The following EDEM1 variants were observed in gnomAD, a reference collection of about 807,000 sequenced individuals.
EDEM1 encodes the protein ER degradation enhancing alpha-mannosidase like protein 1.
A neutral mutation model predicts 74.4 loss-of-function variants in EDEM1; 67 were observed. The observed-to-expected ratio is 0.90, with a 90% CI of 0.74 to 1.10. EDEM1 has a LOEUF of 1.10. Ranked by LOEUF, EDEM1 falls within the 50% of genes least tolerant of loss-of-function variation. The pLI, the probability that EDEM1 is intolerant of heterozygous loss-of-function variation, is 0.00. For missense variants in EDEM1, 926 were observed against 851.6 expected, an observed-to-expected ratio of 1.09 and a Z score of -1.09; for synonymous variants, 382 against 335.9, an observed-to-expected ratio of 1.14 and a Z score of -1.50.
chr3:5,188,229 TACG>T lies in EDEM1; in HGVS notation c.427_429del (p.Asp143del), dbSNP rs780089586. ...GGCACGGGGCATGTTCGTCTTTGGC[TACG>T]ACAACTACATGGCTCACGCCTTCCC... On this transcript the variant is annotated inframe_deletion, in exon 1 of 12. Transcript: ENST00000256497. 1.9e-6 allele frequency: 3 copies of T among 1,584,748 alleles called. No homozygotes were observed. Among genetic ancestry groups the T allele is most frequent in the African/African-American group, 2.8e-5 (2 of 72,048 alleles).
At chr3:5,204,426 G>A (rs1002840909) in intron 5 of EDEM1, among the ~76,000 whole-genome samples, 2 of 150,382 alleles carry the variant, frequency 1.3e-5, no homozygotes, top group African/African-American at 2.5e-5. Flanking sequence ...CAGGCTGGAC[G>A]GCAGTGGCAC....
At position 5,188,317 on chromosome 3, in the gene EDEM1, G is replaced by A. The variant is rs752795934; in HGVS notation, c.509+3G>A. 8.8e-6 allele frequency: 13 copies of A among 1,481,584 alleles called. No individual in the cohort carries two copies. In the South Asian group the frequency reaches 1.5e-4, roughly 17 times the overall value. 91.8% of individuals were successfully genotyped at this position (1,481,584 alleles called of 1,614,324 possible). ...CGTGGGCCCGACCGCGGGGACCCGT[G>A]AGTAGCCCCCGCCGCCCGGGGCCGC... On this transcript the variant is annotated splice_donor_region_variant and intron_variant, in intron 1 of 11. Coordinates refer to ENST00000256497, the MANE Select transcript of EDEM1 (RefSeq NM_014674.3).
chr3:5,195,798 G>T (rs990312834), intron 2 of EDEM1, among the ~76,000 whole-genome samples: 14 of 152,220 alleles, frequency 9.2e-5, no homozygotes, highest in Non-Finnish European at 1.6e-4. Flanking sequence ...GCCAACGTGG[G>T]TGCTGGCATT....
At chr3:5,204,811 G>A (rs2055075713) in intron 5 of EDEM1, among the ~76,000 whole-genome samples, 1 of 152,180 alleles carries the variant, frequency 6.6e-6, no homozygotes, top group South Asian at 2.1e-4. Flanking sequence ...AAAGCAAAAT[G>A]AGAAACCTAT....
intron 1 of EDEM1, 115 bp downstream of exon 1, chr3:5,188,429 C>A: frequency 8.4e-7 from 1 of 1,185,400 alleles, no homozygotes; most frequent in Non-Finnish European, 1.1e-6. Context: ...CCGTTAGGGT[C>A]CCGGGCAGCG....
chr3:5,194,635 TC>T (rs2054940816), intron 1 of EDEM1, among the ~76,000 whole-genome samples: 1 of 152,204 alleles, frequency 6.6e-6, no homozygotes, highest in African/African-American at 2.4e-5. Context: ...AAATGATATC[TC>T]AGAATTAACG....
At chr3:5,188,417 G>T (rs904371765) in intron 1 of EDEM1, 103 bp downstream of exon 1, 1 of 1,239,352 alleles carries the variant, frequency 8.1e-7, no homozygotes, top group Admixed American at 4.3e-5. Context: ...AGGGCGCCAG[G>T]GCCGTTAGGG....
At position 5,203,141 on chromosome 3, in the gene EDEM1, G is replaced by A; in HGVS notation, c.1034G>A (p.Gly345Glu). The A allele has an allele frequency of 6.3e-7, 1 of 1,575,382 alleles. No homozygotes were observed. The highest frequency in any genetic ancestry group is 8.6e-7 in the Non-Finnish European group (1 of 1,162,672). ...TGGAACCTCCGGAGCAATGATACAG[G>A]ATTACTAGGTGTGGCACCTTTCCTC... ...ALWNLRSNDT[G>E]LLGNVVNIQT... The change falls in exon 5 of 12, where the codon GGA becomes GAA. Residue 345 changes from glycine (G) to glutamate (E), a missense_variant. Transcript: ENST00000256497.
chr3:5,219,945 ATTTCT>A lies in EDEM1; in HGVS notation c.*4031_*4035del, dbSNP rs1298452419. The A allele has an allele frequency of 7.2e-5, 11 of 152,494 alleles. No individual in the cohort carries two copies. Among genetic ancestry groups the A allele is most frequent in the African/African-American group, 2.6e-4 (11 of 41,546 alleles). 9.4% of individuals were successfully genotyped at this position (152,494 alleles called of 1,614,324 possible). A position where few individuals can be genotyped will look rare whatever the true frequency, so the allele number is the denominator to read the frequency against. On this transcript the variant is annotated 3_prime_UTR_variant, in exon 12 of 12. Transcript: ENST00000256497. ...TTTTATGAGTAATTTTTATTAAAAGATTTCTTTTTTTGAGTTGTCATCTTGTTTCT... is the reference window on the plus strand; with the variant it reads ...TTTTATGAGTAATTTTTATTAAAAGATTTTTTGAGTTGTCATCTTGTTTCT...
Position 5,207,234 on chromosome 3 carries a change from C to T in EDEM1, c.1299C>T (p.Thr433=), listed in dbSNP as rs1234961701. The T allele has an allele frequency of 2.5e-6, 4 of 1,614,168 alleles. No homozygotes were observed. Among genetic ancestry groups the T allele is most frequent in the Non-Finnish European group, 3.4e-6 (4 of 1,180,014 alleles). Residue 433 remains threonine, a synonymous_variant, in exon 7 of 12, where the codon ACC becomes ACT. Coordinates refer to ENST00000256497, the MANE Select transcript of EDEM1 (RefSeq NM_014674.3). Reference sequence around the variant, plus strand: ...TGTTCAGTGGGCAGCTGATGAACACCTGGATTGACTCTCTGCAGGCCTTTT... The same window carrying T: ...TGTTCAGTGGGCAGCTGATGAACACTTGGATTGACTCTCTGCAGGCCTTTT... ...VNMFSGQLMN[T]WIDSLQAFFP...
intron 2 of EDEM1, 31 bp from the exon 3 acceptor site, chr3:5,199,561 G>A: frequency 1.3e-6 from 2 of 1,513,896 alleles, no homozygotes; most frequent in Non-Finnish European, 1.8e-6. Flanking sequence ...ATTTCAAGTT[G>A]CTGTAATGAC....
rs887135445 is a variant in EDEM1, at chr3:5,216,206, A to T, written c.*288A>T. ...AGCACAATAGATGGGGCATCTTTGG[A>T]TTGATGTTCACAGCTTTATACTTCA... is the stretch of plus-strand genomic sequence containing the variant. On this transcript the variant is annotated 3_prime_UTR_variant, in exon 12 of 12. Coordinates refer to ENST00000256497, the MANE Select transcript of EDEM1 (RefSeq NM_014674.3). 1.5e-5 allele frequency: 6 copies of T among 397,302 alleles called. No individual in the cohort carries two copies. Among genetic ancestry groups the T allele is most frequent in the African/African-American group, 1.3e-4 (6 of 47,616 alleles). 24.6% of individuals were successfully genotyped at this position (397,302 alleles called of 1,614,324 possible).
At chr3:5,200,917 A>G (rs1186447776) in intron 3 of EDEM1, among the ~76,000 whole-genome samples, 1 of 147,008 alleles carries the variant, frequency 6.8e-6, no homozygotes, top group Non-Finnish European at 1.5e-5. Context: ...TTCATTTTAG[A>G]GCAGGGTCTT....
intron 5 of EDEM1, among the ~76,000 whole-genome samples, chr3:5,204,554 C>A (rs1440801268): frequency 6.6e-6 from 1 of 151,886 alleles, no homozygotes; most frequent in African/African-American, 2.4e-5. Flanking sequence ...TCGCACCCAG[C>A]AAATTTTTTG....
chr3:5,214,642 C>T (rs1575593418), intron 11 of EDEM1, among the ~76,000 whole-genome samples: 1 of 152,184 alleles, frequency 6.6e-6, no homozygotes, highest in East Asian at 1.9e-4. Flanking sequence ...AACAACAGCC[C>T]TGTGAGGGGT....
intron 8 of EDEM1, 107 bp downstream of exon 8, chr3:5,208,370 A>G: frequency 8.1e-6 from 11 of 1,357,540 alleles, no homozygotes; most frequent in South Asian, 1.3e-5. Flanking sequence ...GTTGTTTCAT[A>G]GTGACTCTGA....
intron 1 of EDEM1, 166 bp downstream of exon 1, chr3:5,188,480 C>T (rs961670055): frequency 2.6e-6 from 2 of 758,974 alleles, no homozygotes; most frequent in Non-Finnish European, 3.6e-6. Flanking sequence ...TGAAGACCCC[C>T]GAGCTTGAGG....
rs1046451690 is a variant in EDEM1, at chr3:5,216,295, ATT to A, written c.*384_*385del. 4 of 162,852 alleles carry A rather than the reference ATT, an allele frequency of 2.5e-5. No homozygotes were observed. Among genetic ancestry groups the A allele is most frequent in the South Asian group, 2.0e-4 (1 of 4,914 alleles). 10.1% of individuals were successfully genotyped at this position (162,852 alleles called of 1,614,324 possible). A position where few individuals can be genotyped will look rare whatever the true frequency, so the allele number is the denominator to read the frequency against. ...TGGAGTATTGCTATGTCTTTAAAAA[ATT>A]TTTTTTATTATATTTTATTTTTTTG... On this transcript the variant is annotated 3_prime_UTR_variant, in exon 12 of 12. Transcript: ENST00000256497.
intron 5 of EDEM1, among the ~76,000 whole-genome samples, chr3:5,204,496 A>T (rs1000893856): frequency 1.3e-5 from 2 of 151,588 alleles, no homozygotes; most frequent in Admixed American, 1.3e-4. Context: ...GATCAAGTGA[A>T]CCCCCCATCT....
Sources: allele counts gnomAD v4.1 joint callset (sites outside exome capture counted in the v4.1 genomes callset), GRCh38; gene constraint gnomAD v4.1.1; transcripts MANE v1.5; gene names NCBI Gene and HGNC (gene_info 2026-07-23, HGNC 2026-07-21).